Variants in TMEM132B observed in about 807,000 individuals in gnomAD.
TMEM132B encodes the protein transmembrane protein 132B.
A neutral mutation model predicts 90.8 loss-of-function variants in TMEM132B; 18 were observed. The observed-to-expected ratio is 0.20, with a 90% CI of 0.14 to 0.29. The LOEUF is 0.29. Among genes scored for constraint, TMEM132B ranks in the 10% least tolerant of loss-of-function variants. The probability of loss-of-function intolerance (pLI) is 1.00; values close to 1 mark genes in which losing one functional copy is unlikely to be tolerated. For synonymous variants in TMEM132B, 504 were observed against 523.3 expected, an observed-to-expected ratio of 0.96 and a Z score of 0.50; for missense variants, 1,096 against 1,326.8, an observed-to-expected ratio of 0.83 and a Z score of 2.70.
intron 3 of TMEM132B, among the ~76,000 whole-genome samples, chr12:125,441,614 A>G (rs368489518): frequency 3.3e-5 from 5 of 152,180 alleles, no homozygotes; most frequent in Non-Finnish European, 5.9e-5. Context: ...CTCCCACCCT[A>G]TTGGGGTCTG....
At chr12:125,377,830 A>G (rs987895364) in intron 2 of TMEM132B, among the ~76,000 whole-genome samples, 13 of 152,168 alleles carry the variant, frequency 8.5e-5, no homozygotes, top group Non-Finnish European at 1.8e-4. Context: ...ACAGCTATTC[A>G]TGGAGCACCC....
At chr12:125,570,309 A>G (rs1884761066) in intron 4 of TMEM132B, among the ~76,000 whole-genome samples, 1 of 152,128 alleles carries the variant, frequency 6.6e-6, no homozygotes, top group African/African-American at 2.4e-5. Context: ...TGTGAGGTAA[A>G]CTTGCCTGTA....
intron 1 of TMEM132B, among the ~76,000 whole-genome samples, 154 bp downstream of exon 1, chr12:125,187,020 G>C (rs891984887): frequency 2.6e-5 from 4 of 152,180 alleles, no homozygotes; most frequent in African/African-American, 9.6e-5. Context: ...CCCCCGGCGC[G>C]TTCCCCTTTG....
Position 125,186,949 on chromosome 12 carries a change from C to T in TMEM132B, c.67+83C>T, listed in dbSNP as rs1281957028. The T allele has an allele frequency of 6.6e-6, 1 of 152,262 alleles. No homozygotes were observed. The highest frequency in any genetic ancestry group is 1.5e-5 in the Non-Finnish European group (1 of 68,088). The allele number at this position is 152,262 out of a possible 1,614,324, so 9.4% of individuals were successfully genotyped here. ...ACGGGCGGCTACCTCCTTCTCAAGT[C>T]CCTGGCAGCGCGCATCTCCCGGACT... is the stretch of plus-strand genomic sequence containing the variant. On this transcript the variant is annotated intron_variant, in intron 1 of 8. Transcript: ENST00000682704. This position sits in a 1 kb window ranked among gnomAD's most constrained non-coding sequence, Gnocchi z 6.3.
At chr12:125,307,795 A>ACTTATATTG (rs1876021876) in intron 1 of TMEM132B, among the ~76,000 whole-genome samples, 5 of 12,510 alleles carry the variant, frequency 4.0e-4, no homozygotes, top group African/African-American at 1.3e-3. Context: ...CAAGTATATT[A>ACTTATATTG]CAAGTATATA....
intron 3 of TMEM132B, among the ~76,000 whole-genome samples, chr12:125,487,110 C>T (rs1298523999): frequency 6.6e-6 from 1 of 152,164 alleles, no homozygotes; most frequent in Non-Finnish European, 1.5e-5. Flanking sequence ...TACTATTTAG[C>T]ACATCCTTCA....
At chr12:125,597,503 G>T (rs536666144) in intron 5 of TMEM132B, among the ~76,000 whole-genome samples, 2 of 152,314 alleles carry the variant, frequency 1.3e-5, no homozygotes, top group African/African-American at 4.8e-5. Context: ...AAGGCATGTT[G>T]TGTAACAATA....
intron 5 of TMEM132B, among the ~76,000 whole-genome samples, chr12:125,612,068 A>G (rs1001063314): frequency 6.6e-6 from 1 of 152,174 alleles, no homozygotes; most frequent in Non-Finnish European, 1.5e-5. Flanking sequence ...TTTTTGCTTC[A>G]TAGATCTGGG....
rs56147854 is a variant in TMEM132B, at chr12:125,517,327, ATTTTTTTTTTTTTT to A, written c.1107-2087_1107-2074del. Among the ~76,000 whole-genome samples the A allele has an allele frequency of 1.3e-3, 36 of 28,478 alleles. No homozygotes were observed. In the South Asian group the frequency reaches 0.016, roughly 13 times the overall value. 18.7% of individuals were successfully genotyped at this position (28,478 alleles called of 152,430 possible). A position where few individuals can be genotyped will look rare whatever the true frequency, so the allele number is the denominator to read the frequency against. On this transcript the variant is annotated intron_variant, in intron 3 of 8. Transcript: ENST00000682704. ...AGGCGCCCGCCACCATGCCCTGCTG[ATTTTTTTTTTTTTT>A]TTTTTTTTTTTTTTTTTTTTTTTTG...
Position 125,562,216 on chromosome 12 carries a change from C to T in TMEM132B, c.1294-21635C>T, listed in dbSNP as rs1428402412. ...CCTCCAGCTTTTTTTCTGCAGCTTC[C>T]TCACCTCTCTAAGCTGTCACAGAAT... is the stretch of plus-strand genomic sequence containing the variant. On this transcript the variant is annotated intron_variant, in intron 4 of 8. Coordinates refer to ENST00000682704, the MANE Select transcript of TMEM132B (RefSeq NM_001366854.1). 2.6e-5 allele frequency among the ~76,000 whole-genome samples: 4 copies of T among 152,190 alleles called. No homozygotes were observed. In the East Asian group the frequency reaches 7.7e-4, roughly 29 times the overall value.
At chr12:125,331,539 T>C (rs1185110231) in intron 1 of TMEM132B, among the ~76,000 whole-genome samples, 2 of 152,142 alleles carry the variant, frequency 1.3e-5, no homozygotes, top group Admixed American at 1.3e-4. Flanking sequence ...AGCTCACATG[T>C]GGCTCACCAG....
At chr12:125,330,339 T>C (rs1203862394) in intron 1 of TMEM132B, among the ~76,000 whole-genome samples, 4 of 151,180 alleles carry the variant, frequency 2.6e-5, no homozygotes, top group East Asian at 3.9e-4. Context: ...GTTTCTTTTT[T>C]TTTTTTTTTT....
At chr12:125,514,211 C>A (rs769285339) in intron 3 of TMEM132B, among the ~76,000 whole-genome samples, 9 of 152,258 alleles carry the variant, frequency 5.9e-5, no homozygotes, top group Non-Finnish European at 1.0e-4. Flanking sequence ...CCCCCCACCC[C>A]CAACGAGTTT....
At chr12:125,650,186 C>T (rs1404109641) in intron 6 of TMEM132B, among the ~76,000 whole-genome samples, 2 of 152,182 alleles carry the variant, frequency 1.3e-5, no homozygotes, top group African/African-American at 4.8e-5. Flanking sequence ...GAGGTGTCAT[C>T]ATATCTTGAC....
intron 2 of TMEM132B, among the ~76,000 whole-genome samples, chr12:125,361,982 A>G (rs1364272331): frequency 2.0e-5 from 3 of 152,074 alleles, no homozygotes; most frequent in Non-Finnish European, 4.4e-5. Flanking sequence ...CTTAGTTTGT[A>G]CCAAGCCACA....
intron 1 of TMEM132B, among the ~76,000 whole-genome samples, chr12:125,317,957 A>G (rs760840746): frequency 6.6e-6 from 1 of 152,196 alleles, no homozygotes; most frequent in East Asian, 1.9e-4. Flanking sequence ...ACCAACCTAA[A>G]CTTCCAGCAG....
At chr12:125,515,212 AC>A (rs1189434992) in intron 3 of TMEM132B, among the ~76,000 whole-genome samples, 1 of 150,302 alleles carries the variant, frequency 6.7e-6, no homozygotes, top group Non-Finnish European at 1.5e-5. Context: ...ACTCAAACAC[AC>A]ACGTTCACAC....
chr12:125,254,351 C>T (rs1412951380), intron 1 of TMEM132B, among the ~76,000 whole-genome samples: 2 of 152,124 alleles, frequency 1.3e-5, no homozygotes, highest in Non-Finnish European at 2.9e-5. Context: ...GTAGACAAGA[C>T]CTGGCGGCAT....
intron 3 of TMEM132B, among the ~76,000 whole-genome samples, chr12:125,510,876 C>T (rs960833443): frequency 6.6e-6 from 1 of 152,130 alleles, no homozygotes; most frequent in African/African-American, 2.4e-5. Context: ...TTGATTTTTA[C>T]TCTCATTTCC....
Sources: gnomAD v4.1 joint callset for allele counts (sites outside exome capture counted in the v4.1 genomes callset) on GRCh38, gnomAD v4.1.1 for gene constraint, Gnocchi (gnomAD v3.1) non-coding constraint, MANE v1.5 for transcripts, NCBI Gene and HGNC (gene_info 2026-07-23, HGNC 2026-07-21) for gene names.